Variants in BUB1 observed in about 807,000 individuals in gnomAD.
BUB1 encodes mitotic checkpoint serine/threonine-protein kinase BUB1.
In BUB1, 84 loss-of-function variants were observed where a neutral mutation model predicts 135.2. That is an observed-to-expected ratio of 0.62 (90% CI 0.52 to 0.74). BUB1 has a LOEUF of 0.74. Ranked by LOEUF, BUB1 falls within the 30% of genes least tolerant of loss-of-function variation. The pLI is 0.00. For missense variants in BUB1, 1,162 were observed against 1,288.3 expected, an observed-to-expected ratio of 0.90 and a Z score of 1.50; for synonymous variants, 403 against 434.4, an observed-to-expected ratio of 0.93 and a Z score of 0.90.
chr2:110,665,571 TTGTGTGTGTGTG>T (rs34442113), intron 9 of BUB1, among the ~76,000 whole-genome samples: 2 of 141,146 alleles, frequency 1.4e-5, no homozygotes, highest in South Asian at 2.3e-4. Flanking sequence ...AAAAGAATGT[TTGTGTGTGTGTG>T]TGTGTGTGTG....
At chr2:110,642,062 A>G in intron 20 of BUB1, 57 bp downstream of exon 20, 1 of 1,344,472 alleles carries the variant, frequency 7.4e-7, no homozygotes, top group Admixed American at 2.6e-5. Flanking sequence ...TTTCTTGGCA[A>G]ACTCAAGTTC....
At chr2:110,658,889 A>G (rs1482916026) in intron 11 of BUB1, 147 bp from the exon 12 acceptor site, 2 of 1,010,266 alleles carry the variant, frequency 2.0e-6, no homozygotes, top group Non-Finnish European at 2.8e-6. Flanking sequence ...GTGCTTTCAT[A>G]TATTTCATTT....
intron 1 of BUB1, chr2:110,676,665 G>C (rs1027524578): frequency 6.6e-6 from 1 of 152,186 alleles, no homozygotes; most frequent in African/African-American, 2.4e-5. Context: ...TATTGGTAGA[G>C]ATCTCCAGGG....
chr2:110,640,936 A>C, intron 23 of BUB1, 98 bp downstream of exon 23: 1 of 1,303,500 alleles, frequency 7.7e-7, no homozygotes, highest in Non-Finnish European at 1.0e-6. Context: ...GCTCCTCAAA[A>C]GACCACCTCA....
chr2:110,651,384 A>C (rs1163048099), intron 17 of BUB1, among the ~76,000 whole-genome samples: 1 of 152,230 alleles, frequency 6.6e-6, no homozygotes. Flanking sequence ...AAAAGTTTAA[A>C]AAGTGAAAAA....
intron 3 of BUB1, among the ~76,000 whole-genome samples, chr2:110,673,845 T>A (rs897812471): frequency 1.3e-5 from 2 of 152,184 alleles, no homozygotes; most frequent in African/African-American, 4.8e-5. Flanking sequence ...GTGATCGACC[T>A]GCCTTGGCCT....
At position 110,661,648 on chromosome 2, in the gene BUB1, G is replaced by A. The variant is rs1690100185; in HGVS notation, c.1151C>T (p.Pro384Leu). 1 of 1,614,172 alleles carries A rather than the reference G, an allele frequency of 6.2e-7. No homozygotes were observed. Among genetic ancestry groups the A allele is most frequent in the Non-Finnish European group, 8.5e-7 (1 of 1,180,020 alleles). Reference protein sequence around the residue: ...VSPATSQSIAPPVPLKAQTVT... With the variant: ...VSPATSQSIALPVPLKAQTVT... ...TGTCTGGGCTTTCAAAGGAACAGGA[G>A]GAGCAATGCTCTGGCTGGTGGCTGG... Residue 384 changes from proline to leucine, a missense_variant, in exon 10 of 25, where the codon CCT (proline) becomes CTT (leucine). By Grantham distance (98) the Pro-to-Leu change is moderately conservative. Coordinates refer to ENST00000302759, the MANE Select transcript of BUB1 (RefSeq NM_004336.5).
At chr2:110,661,987 A>G (rs1690113143) in intron 9 of BUB1, 146 bp from the exon 10 acceptor site, 1 of 941,878 alleles carries the variant, frequency 1.1e-6, no homozygotes. Context: ...TTCTTCAAGC[A>G]TTCTGAAATG....
Position 110,641,297 on chromosome 2 carries a change from T to G in BUB1, c.2783+10A>C. The G allele has an allele frequency of 6.2e-7, 1 of 1,602,946 alleles. No homozygotes were observed. The highest frequency in any genetic ancestry group is 8.5e-7 in the Non-Finnish European group (1 of 1,174,314). Reference sequence around the variant, plus strand: ...GAAGAGAAGAACCCTGTTAAAAGCATAACACTTGCCCGTTTCCAAGTATGA... The same window carrying G: ...GAAGAGAAGAACCCTGTTAAAAGCAGAACACTTGCCCGTTTCCAAGTATGA... On this transcript the variant is annotated intron_variant, in intron 22 of 24. Transcript: ENST00000302759.
chr2:110,676,333 A>G (rs1353337419), intron 1 of BUB1, among the ~76,000 whole-genome samples: 1 of 152,228 alleles, frequency 6.6e-6, no homozygotes, highest in Non-Finnish European at 1.5e-5. Context: ...TGGCAAAACT[A>G]AAAAACATGT....
At chr2:110,657,970 T>G (rs1236919948) in intron 13 of BUB1, among the ~76,000 whole-genome samples, 3 of 152,228 alleles carry the variant, frequency 2.0e-5, no homozygotes, top group Non-Finnish European at 4.4e-5. Context: ...CAAGAAAGAA[T>G]TAAGCTCTTA....
chr2:110,651,655 C>T (rs1024614378), intron 17 of BUB1, among the ~76,000 whole-genome samples: 1 of 152,280 alleles, frequency 6.6e-6, no homozygotes, highest in Non-Finnish European at 1.5e-5. Context: ...CCCTCACGTT[C>T]ACTCACCACT....
At chr2:110,638,658 G>T (rs183201010) in intron 24 of BUB1, among the ~76,000 whole-genome samples, 1 of 152,242 alleles carries the variant, frequency 6.6e-6, no homozygotes, top group African/African-American at 2.4e-5. Flanking sequence ...GTGTTGGAGA[G>T]AAAGTAGAAT....
rs942849258 is a variant in BUB1 at position 110,648,454 on chromosome 2, T to C, written c.2347+780A>G. On this transcript the variant is annotated intron_variant, in intron 19 of 24. Coordinates refer to ENST00000302759, the MANE Select transcript of BUB1 (RefSeq NM_004336.5). The surrounding 1 kb of genome is among the most constrained non-coding windows in gnomAD (Gnocchi z 4.2). ...TTTAGGGTGAGGAAATGATTCTGTATGATACTGTAATGATGGATACATGTC... is the reference window on the plus strand; with the variant it reads ...TTTAGGGTGAGGAAATGATTCTGTACGATACTGTAATGATGGATACATGTC... 2.0e-5 allele frequency among the ~76,000 whole-genome samples: 3 copies of C among 152,148 alleles called. No homozygotes were observed. Among genetic ancestry groups the C allele is most frequent in the Non-Finnish European group, 4.4e-5 (3 of 68,008 alleles).
intron 9 of BUB1, 162 bp downstream of exon 9, chr2:110,666,097 TCTCA>T (rs1690244502): frequency 1.7e-6 from 1 of 604,154 alleles, no homozygotes; most frequent in Non-Finnish European, 2.4e-6. Flanking sequence ...AACTTTCCAC[TCTCA>T]CTCTACATTG....
chr2:110,652,636 G>C (rs375438843), intron 17 of BUB1, among the ~76,000 whole-genome samples: 13 of 152,202 alleles, frequency 8.5e-5, no homozygotes, highest in African/African-American at 2.9e-4. Flanking sequence ...TGTTTGTGGT[G>C]ACTCTATAGA....
chr2:110,661,944 G>T (rs978738039), intron 9 of BUB1, 103 bp from the exon 10 acceptor site: 5 of 1,392,034 alleles, frequency 3.6e-6, no homozygotes, highest in Non-Finnish European at 4.9e-6. Flanking sequence ...GTCTTCAATG[G>T]ATTCCTTTTT....
At chr2:110,658,313 T>C (rs1689986696) in intron 13 of BUB1, 97 bp downstream of exon 13, 4 of 947,690 alleles carry the variant, frequency 4.2e-6, no homozygotes, top group Middle Eastern at 3.4e-4. Context: ...TGTGACAAGC[T>C]AATCAAGGGC....
At chr2:110,667,902 A>T in intron 6 of BUB1, 53 bp from the exon 7 acceptor site, 1 of 1,555,232 alleles carries the variant, frequency 6.4e-7, no homozygotes, top group Non-Finnish European at 8.8e-7. Flanking sequence ...AGAAAGCTTC[A>T]CCCAAATTAC....
Sources: allele counts gnomAD v4.1 joint callset (sites outside exome capture counted in the v4.1 genomes callset), GRCh38; gene constraint gnomAD v4.1.1; non-coding constraint Gnocchi (gnomAD v3.1); transcripts MANE v1.5; gene names NCBI Gene and HGNC (gene_info 2026-07-23, HGNC 2026-07-21).